The following ABCC1 variants were observed in gnomAD, a reference collection of about 807,000 sequenced individuals.
ABCC1 encodes ATP binding cassette subfamily C member 1 (ABCC1 blood group), also known as multidrug resistance-associated protein 1.
In ABCC1, 83 loss-of-function variants were observed where a neutral mutation model predicts 172.9. That is an observed-to-expected ratio of 0.48 (90% CI 0.40 to 0.58). The LOEUF (loss-of-function observed/expected upper bound fraction) is 0.58. Among genes scored for constraint, ABCC1 ranks in the 20% least tolerant of loss-of-function variants. The pLI is 0.00. For synonymous variants in ABCC1, 937 were observed against 825.2 expected, an observed-to-expected ratio of 1.14 and a Z score of -2.32; for missense variants, 1,817 against 2,002.7, an observed-to-expected ratio of 0.91 and a Z score of 1.77.
At position 16,054,955 on chromosome 16, in the gene ABCC1, C is replaced by G. The variant is rs181291831; in HGVS notation, c.1474-1137C>G. ...ACTATTTTAACAACCATGGGCCAGG[C>G]ACAGGGGCTCATGTCTGTAATCCCA... is the stretch of plus-strand genomic sequence containing the variant. On this transcript the variant is annotated intron_variant, in intron 11 of 30. Coordinates refer to ENST00000399410, the MANE Select transcript of ABCC1 (RefSeq NM_004996.4). Among the ~76,000 whole-genome samples the G allele has an allele frequency of 8.0e-4, 122 of 152,316 alleles. 1 individual carries two copies. Among genetic ancestry groups the G allele is most frequent in the African/African-American group, 2.8e-3 (118 of 41,582 alleles).
Position 16,061,044 on chromosome 16 carries a change from C to T in ABCC1, c.1677+4749C>T, listed in dbSNP as rs952280030. ...GGTTCAAGCAATTCTCCTGCCTCAG[C>T]GTCCGAGTAGCTGGGAGTACAGGCG... On this transcript the variant is annotated intron_variant, in intron 12 of 30. Coordinates refer to ENST00000399410, the MANE Select transcript of ABCC1 (RefSeq NM_004996.4). Among the ~76,000 whole-genome samples the T allele has an allele frequency of 2.3e-4, 35 of 152,178 alleles. 1 individual carries two copies. Among genetic ancestry groups the T allele is most frequent in the Admixed American group, 1.8e-3 (28 of 15,270 alleles).
intron 14 of ABCC1, 185 bp from the exon 15 acceptor site, chr16:16,076,141 G>A (rs1180419214): frequency 1.0e-5 from 6 of 591,466 alleles, no homozygotes; most frequent in Middle Eastern, 2.8e-4. Context: ...GTCTGGGGCT[G>A]CCTCCAGAAC....
chr16:16,009,508 G>T (rs141443777), intron 2 of ABCC1, among the ~76,000 whole-genome samples: 1 of 152,206 alleles, frequency 6.6e-6, no homozygotes, highest in African/African-American at 2.4e-5. Context: ...TTCAGGCACC[G>T]GGGAGCATGG....
At position 16,114,821 on chromosome 16, in the gene ABCC1, C is replaced by G. The variant is rs375642878; in HGVS notation, c.3135C>G (p.Ser1045=). The change falls in exon 23 of 31, where the codon TCC becomes TCG. Residue 1045 remains serine (S), a synonymous_variant. Transcript: ENST00000399410. ...TGTCCATCGGGGGGATCTTGGCTTC[C>G]CGCTGTCTGCACGTGGACCTGCTGC... ...MAVSIGGILA[S]RCLHVDLLHS... 2.5e-5 allele frequency: 40 copies of G among 1,610,098 alleles called. No homozygotes were observed. The highest frequency in any genetic ancestry group is 3.2e-5 in the Non-Finnish European group (38 of 1,176,696).
At chr16:16,127,539 A>G (rs1016071351) in intron 26 of ABCC1, among the ~76,000 whole-genome samples, 2 of 152,146 alleles carry the variant, frequency 1.3e-5, no homozygotes, top group African/African-American at 2.4e-5. Context: ...CCCATTTTAC[A>G]GGTGAGGAAA....
intron 1 of ABCC1, among the ~76,000 whole-genome samples, chr16:15,961,847 C>G (rs1405700993): frequency 3.3e-5 from 5 of 151,578 alleles, no homozygotes; most frequent in Non-Finnish European, 7.4e-5. Context: ...ACCCATTCCC[C>G]TCTTGGTGTC....
At chr16:16,057,448 G>A (rs368593916) in intron 12 of ABCC1, among the ~76,000 whole-genome samples, 2 of 151,752 alleles carry the variant, frequency 1.3e-5, no homozygotes, top group African/African-American at 4.8e-5. Context: ...GCTCCAGATG[G>A]GCATTTTTGT....
rs193130821 is a variant in ABCC1 at position 16,137,305 on chromosome 16, C to T, written c.4292+661C>T. ...CTCGGGGTCAGCTGGCTTTTGGCCTCAGGTGGGGCAAGAAGGGTATGTTCC... is the reference window on the plus strand; with the variant it reads ...CTCGGGGTCAGCTGGCTTTTGGCCTTAGGTGGGGCAAGAAGGGTATGTTCC... On this transcript the variant is annotated intron_variant, in intron 29 of 30. Transcript: ENST00000399410. Among the ~76,000 whole-genome samples the T allele has an allele frequency of 2.6e-5, 4 of 152,190 alleles. 1 individual carries two copies. Among genetic ancestry groups the T allele is most frequent in the Admixed American group, 2.6e-4 (4 of 15,274 alleles).
intron 1 of ABCC1, among the ~76,000 whole-genome samples, chr16:15,971,667 G>T (rs1412121340): frequency 1.3e-5 from 2 of 152,128 alleles, no homozygotes; most frequent in African/African-American, 4.8e-5. Flanking sequence ...GCTCCTCCTG[G>T]GGTGGATCTA....
intron 5 of ABCC1, among the ~76,000 whole-genome samples, chr16:16,019,963 G>A (rs992132532): frequency 6.6e-6 from 1 of 152,094 alleles, no homozygotes; most frequent in South Asian, 2.1e-4. Context: ...TCGCTCTGTC[G>A]CCAAGGCTGT....
chr16:16,063,232 G>A (rs1371123210), intron 12 of ABCC1, among the ~76,000 whole-genome samples: 4 of 152,046 alleles, frequency 2.6e-5, no homozygotes, highest in Non-Finnish European at 5.9e-5. Context: ...TCAGCCTCCC[G>A]AAGAGCTGGG....
intron 22 of ABCC1, among the ~76,000 whole-genome samples, chr16:16,113,636 C>T (rs1425784634): frequency 6.6e-6 from 1 of 152,122 alleles, no homozygotes; most frequent in Non-Finnish European, 1.5e-5. Context: ...TCCTGGGTGA[C>T]AGGATGAGAG....
chr16:16,048,045 GC>G, intron 9 of ABCC1, 96 bp from the exon 10 acceptor site: 3 of 1,435,778 alleles, frequency 2.1e-6, no homozygotes, highest in Middle Eastern at 4.9e-4. Flanking sequence ...CGGCATTTCT[GC>G]CCCTGAGAGT....
At chr16:16,084,264 G>A (rs574618715) in intron 17 of ABCC1, among the ~76,000 whole-genome samples, 76 of 152,088 alleles carry the variant, frequency 5.0e-4, no homozygotes, top group African/African-American at 1.6e-3. Flanking sequence ...CACCACACTC[G>A]GCTAATTTTT....
chr16:15,986,967 C>T (rs2046758622), intron 1 of ABCC1, among the ~76,000 whole-genome samples: 1 of 152,058 alleles, frequency 6.6e-6, no homozygotes, highest in South Asian at 2.1e-4. Flanking sequence ...GAGTTTGAGA[C>T]CAGCCTGGAC....
chr16:15,961,771 C>CT (rs4148334), intron 1 of ABCC1, among the ~76,000 whole-genome samples: 11,097 of 129,150 alleles, frequency 0.086, 511 homozygotes, highest in Non-Finnish European at 0.12. Flanking sequence ...ATCAAATCAA[C>CT]TTTTTTTTTT....
In ABCC1 at chr16:16,044,655, A is replaced by G. The variant is rs758604791; in HGVS notation, c.1015A>G (p.Met339Val). The G allele has an allele frequency of 1.2e-6, 2 of 1,613,990 alleles. No individual in the cohort carries two copies. Among genetic ancestry groups the G allele is most frequent in the Non-Finnish European group, 1.7e-6 (2 of 1,179,992 alleles). Residue 339 changes from methionine (M) to valine (V), a missense_variant, in exon 8 of 31, where the codon ATG becomes GTG. Physicochemically the swap from Met to Val is conservative, Grantham distance 21 (BLOSUM62 1). Coordinates refer to ENST00000399410, the MANE Select transcript of ABCC1 (RefSeq NM_004996.4). ...CTTCAAGGCCATCCACGACCTGATG[A>G]TGTTTTCCGGGCCGCAGATCTTAAA... Reference protein sequence around the residue: ...FFFKAIHDLMMFSGPQILKLL... With the variant: ...FFFKAIHDLMVFSGPQILKLL...
chr16:16,132,066 G>A, intron 27 of ABCC1, 131 bp downstream of exon 27: 2 of 1,185,358 alleles, frequency 1.7e-6, no homozygotes, highest in Non-Finnish European at 2.4e-6. Context: ...GGCTTTTTGG[G>A]GGGCTGGGAG....
intron 11 of ABCC1, among the ~76,000 whole-genome samples, chr16:16,054,855 G>T (rs2049582914): frequency 6.6e-6 from 1 of 152,212 alleles, no homozygotes; most frequent in African/African-American, 2.4e-5. Flanking sequence ...CTGGGTGGTA[G>T]TAAAAGTATT....
Sources: allele counts gnomAD v4.1 joint callset (sites outside exome capture counted in the v4.1 genomes callset), GRCh38; gene constraint gnomAD v4.1.1; transcripts MANE v1.5; gene names NCBI Gene and HGNC (gene_info 2026-07-23, HGNC 2026-07-21).